Variants in GRIK4 observed in about 807,000 individuals in gnomAD.
GRIK4 encodes the protein glutamate receptor ionotropic, kainate 4.
GRIK4 carries 40 observed loss-of-function variants against 104.9 expected under a neutral mutation model. That is an observed-to-expected ratio of 0.38 (90% CI 0.30 to 0.50). The LOEUF (loss-of-function observed/expected upper bound fraction) is 0.50. GRIK4 is among the 20% of genes least tolerant of loss of function. The pLI is 0.93. For missense variants in GRIK4, 1,047 were observed against 1,308.1 expected (o/e 0.80, Z 3.08); for synonymous variants, 485 against 524.9 (o/e 0.92, Z 1.04).
chr11:120,642,600 T>C (rs1949483987), intron 1 of GRIK4, among the ~76,000 whole-genome samples: 1 of 151,950 alleles, frequency 6.6e-6, no homozygotes, highest in African/African-American at 2.4e-5. Flanking sequence ...TTCTCATCTC[T>C]CTTGACTTTC....
chr11:120,623,353 G>A (rs760922968), intron 1 of GRIK4, among the ~76,000 whole-genome samples: 1 of 151,736 alleles, frequency 6.6e-6, no homozygotes, highest in Non-Finnish European at 1.5e-5. Context: ...GGCTGGTCTT[G>A]GCCTCCTGGG....
intron 1 of GRIK4, among the ~76,000 whole-genome samples, chr11:120,535,054 C>T (rs1318753415): frequency 6.6e-6 from 1 of 152,306 alleles, no homozygotes; most frequent in East Asian, 1.9e-4. Context: ...CTGGGGGAAG[C>T]CCTGACTTGT....
At chr11:120,557,481 C>A (rs1948198826) in intron 1 of GRIK4, among the ~76,000 whole-genome samples, 1 of 152,224 alleles carries the variant, frequency 6.6e-6, no homozygotes, top group South Asian at 2.1e-4. Flanking sequence ...CCAAGACAAT[C>A]TGAATTAATT....
chr11:120,862,360 G>T (rs1007429155), intron 9 of GRIK4: 1 of 417,288 alleles, frequency 2.4e-6, no homozygotes, highest in Non-Finnish European at 4.3e-6. Context: ...CTTAGTGATG[G>T]CTGCAAGTCC....
rs116612022 is a variant in GRIK4 at position 120,638,850 on chromosome 11, C to A, written c.-158-14835C>A. 3.4e-3 allele frequency among the ~76,000 whole-genome samples: 518 copies of A among 152,076 alleles called. 4 individuals are homozygous for A. Among genetic ancestry groups the A allele is most frequent in the South Asian group, 0.029 (138 of 4,808 alleles). ...AGGGATTAGAACTATTTTTTCTGTG[C>A]CCTAATATCATTTCTATCCAAGGTG... On this transcript the variant is annotated intron_variant, in intron 1 of 20. Coordinates refer to ENST00000527524, the MANE Select transcript of GRIK4 (RefSeq NM_014619.5).
chr11:120,893,078 G>GT (rs1223873631), intron 11 of GRIK4, among the ~76,000 whole-genome samples: 1 of 152,232 alleles, frequency 6.6e-6, no homozygotes, highest in Non-Finnish European at 1.5e-5. Flanking sequence ...AAGGCACAGT[G>GT]TAATAACTGG....
chr11:120,908,299 A>G (rs1406713942), intron 13 of GRIK4, among the ~76,000 whole-genome samples: 1 of 152,206 alleles, frequency 6.6e-6, no homozygotes, highest in Non-Finnish European at 1.5e-5. Flanking sequence ...GACCTAAGCT[A>G]AAATTTCAGT....
chr11:120,852,639 C>T (rs898436346), intron 8 of GRIK4, among the ~76,000 whole-genome samples: 15 of 152,148 alleles, frequency 9.9e-5, no homozygotes, highest in African/African-American at 3.1e-4. Flanking sequence ...TGTGAATTAG[C>T]CTCCCAGCTG....
At chr11:120,925,367 C>A (rs1247693648) in intron 13 of GRIK4, among the ~76,000 whole-genome samples, 2 of 152,174 alleles carry the variant, frequency 1.3e-5, no homozygotes, top group South Asian at 2.1e-4. Context: ...TTGCCCAGGC[C>A]AGCTTTACAC....
At chr11:120,934,267 G>A (rs1308826498) in intron 13 of GRIK4, among the ~76,000 whole-genome samples, 1 of 151,512 alleles carries the variant, frequency 6.6e-6, no homozygotes, top group Non-Finnish European at 1.5e-5. Flanking sequence ...TGCTGAGTGG[G>A]AGGGAGGGAA....
intron 11 of GRIK4, among the ~76,000 whole-genome samples, chr11:120,884,314 C>A (rs1426762592): frequency 6.6e-6 from 1 of 152,248 alleles, no homozygotes. Context: ...TCATCTCACC[C>A]AGAGATGACT....
At position 120,952,859 on chromosome 11, in the gene GRIK4, G is replaced by A. The variant is rs912722698; in HGVS notation, c.1595G>A (p.Arg532His). Residue 532 changes from arginine to histidine, a missense_variant, in exon 15 of 21, where the codon CGC (arginine) becomes CAC (histidine). Transcript: ENST00000527524. The surrounding 1 kb of genome is among the most constrained non-coding windows in gnomAD (Gnocchi z 5.2). ...TGTTTTTCTCTCCATTTCCAGGGACGCAAACCCGGCTATTTCTCCTTCCTG... is the reference window on the plus strand; with the variant it reads ...TGTTTTTCTCTCCATTTCCAGGGACACAAACCCGGCTATTTCTCCTTCCTG... ...ISILYRVHMG[R>H]KPGYFSFLDP... The A allele has an allele frequency of 3.7e-6, 6 of 1,609,436 alleles. No individual in the cohort carries two copies. The highest frequency in any genetic ancestry group is 3.3e-5 in the Admixed American group (2 of 59,996).
At chr11:120,703,786 C>G (rs1950587983) in intron 3 of GRIK4, among the ~76,000 whole-genome samples, 1 of 152,124 alleles carries the variant, frequency 6.6e-6, no homozygotes, top group African/African-American at 2.4e-5. Flanking sequence ...CTGTGTGCTG[C>G]TTTCTGAATC....
At chr11:120,614,555 T>G (rs1949081350) in intron 1 of GRIK4, among the ~76,000 whole-genome samples, 7 of 152,196 alleles carry the variant, frequency 4.6e-5, no homozygotes, top group Admixed American at 4.6e-4. Flanking sequence ...TCTGAACTAC[T>G]GCATCCTAGA....
intron 16 of GRIK4, among the ~76,000 whole-genome samples, chr11:120,959,069 T>G (rs1054403233): frequency 6.6e-6 from 1 of 152,112 alleles, no homozygotes; most frequent in African/African-American, 2.4e-5. Flanking sequence ...CTCTATACAT[T>G]TCTCTATATC....
intron 1 of GRIK4, among the ~76,000 whole-genome samples, chr11:120,572,354 G>A (rs909082929): frequency 2.0e-5 from 3 of 152,158 alleles, no homozygotes; most frequent in African/African-American, 7.2e-5. Flanking sequence ...GCCTGGTAGC[G>A]CTTGCCCAGA....
chr11:120,863,602 T>TAGG (rs1252319581), intron 9 of GRIK4, among the ~76,000 whole-genome samples: 1 of 152,248 alleles, frequency 6.6e-6, no homozygotes, highest in Non-Finnish European at 1.5e-5. Flanking sequence ...GCATTAGGTC[T>TAGG]AGGAGATGGC....
intron 3 of GRIK4, among the ~76,000 whole-genome samples, chr11:120,690,607 A>G (rs1950343035): frequency 6.6e-6 from 1 of 152,266 alleles, no homozygotes; most frequent in Non-Finnish European, 1.5e-5. Context: ...TTGAACCTGC[A>G]GAGTGAGAAT....
At chr11:120,536,650 AT>A (rs1673180159) in intron 1 of GRIK4, among the ~76,000 whole-genome samples, 1 of 152,144 alleles carries the variant, frequency 6.6e-6, no homozygotes, top group Non-Finnish European at 1.5e-5. Context: ...TGGTTGACGT[AT>A]GTATTGATGG....
Sources: allele counts gnomAD v4.1 joint callset (sites outside exome capture counted in the v4.1 genomes callset), GRCh38; gene constraint gnomAD v4.1.1; non-coding constraint Gnocchi (gnomAD v3.1); transcripts MANE v1.5; gene names NCBI Gene and HGNC (gene_info 2026-07-23, HGNC 2026-07-21).